Variants in MRPL2 observed in about 807,000 individuals in gnomAD.
MRPL2 encodes the protein mitochondrial ribosomal protein L2.
MRPL2 carries 27 observed loss-of-function variants against 34.6 expected under a neutral mutation model. The ratio of observed to expected loss-of-function variants is 0.78; its 90% confidence interval spans 0.58 to 1.08. The LOEUF is 1.08. MRPL2 is among the 50% of genes least tolerant of loss of function. The pLI, the probability that MRPL2 is intolerant of heterozygous loss-of-function variation, is 0.00. For missense variants in MRPL2, 414 were observed against 419.3 expected, an observed-to-expected ratio of 0.99 and a Z score of 0.11; for synonymous variants, 155 against 158.0, an observed-to-expected ratio of 0.98 and a Z score of 0.14.
intron 6 of MRPL2, among the ~76,000 whole-genome samples, chr6:43,055,244 C>A (rs932787871): frequency 1.3e-5 from 2 of 152,110 alleles, no homozygotes; most frequent in Admixed American, 6.5e-5. Context: ...TGCCTGCAAT[C>A]CCAGCTACTC....
chr6:43,056,216 G>A lies in MRPL2; in HGVS notation c.405-20C>T. ...GCTGACCTAATCAGGGTGAGGGACA[G>A]GTAAGCAGACCGTCTAGGCAGCCCC... On this transcript the variant is annotated intron_variant, in intron 3 of 6. Coordinates refer to ENST00000388752, the MANE Select transcript of MRPL2 (RefSeq NM_015950.5). The A allele has an allele frequency of 6.2e-7, 1 of 1,612,752 alleles. No homozygotes were observed. The highest frequency in any genetic ancestry group is 1.1e-5 in the South Asian group (1 of 91,074).
upstream of MRPL2, chr6:43,059,614 C>T (rs1765028054): frequency 4.3e-6 from 6 of 1,396,016 alleles, no homozygotes; most frequent in East Asian, 2.6e-5. Context: ...AAACAATTGC[C>T]TCGAGCGGCA....
chr6:43,059,024 A>G (rs1044813023), intron 1 of MRPL2: 4 of 1,000,574 alleles, frequency 4.0e-6, no homozygotes, highest in Non-Finnish European at 5.8e-6. Context: ...GGCTTATCAT[A>G]GGCACTCGAA....
chr6:43,059,852 T>G (rs371929554), upstream of MRPL2: 3 of 1,187,522 alleles, frequency 2.5e-6, no homozygotes, highest in South Asian at 2.3e-5. Flanking sequence ...TCCAGACAGA[T>G]AGACAGACGA....
chr6:43,056,003 A>G lies in MRPL2; in HGVS notation c.525T>C (p.Ala175=). ...NSNHIGRMAV[A]AREGDAHPLG... ...GAGGATGCGCATCCCCTTCCCGAGC[A>G]GCAACTAAAAGACAGGATTTCATTA... The change falls in exon 5 of 7, where the codon GCT becomes GCC. Residue 175 remains alanine, a synonymous_variant. Transcript: ENST00000388752. The G allele has an allele frequency of 6.2e-7, 1 of 1,614,186 alleles. No homozygotes were observed. The highest frequency in any genetic ancestry group is 8.5e-7 in the Non-Finnish European group (1 of 1,180,028).
At position 43,054,106 on chromosome 6, in the gene MRPL2, T is replaced by G. The variant is rs1408199143; in HGVS notation, c.*168A>C. 3.1e-6 allele frequency: 2 copies of G among 647,570 alleles called. No individual in the cohort carries two copies. Among genetic ancestry groups the G allele is most frequent in the Non-Finnish European group, 5.2e-6 (2 of 381,578 alleles). 40.1% of individuals were successfully genotyped at this position (647,570 alleles called of 1,614,324 possible). A position where few individuals can be genotyped will look rare whatever the true frequency, so the allele number is the denominator to read the frequency against. On this transcript the variant is annotated 3_prime_UTR_variant, in exon 7 of 7. Transcript: ENST00000388752. Reference sequence around the variant, plus strand: ...TGGGGTGGGGACAGACCCAGTGTCCTGTACTTTCTCTTCCACACTTTTTAC... The same window carrying G: ...TGGGGTGGGGACAGACCCAGTGTCCGGTACTTTCTCTTCCACACTTTTTAC...
At position 43,054,318 on chromosome 6, in the gene MRPL2, TG is replaced by T; in HGVS notation, c.873del (p.Met292Ter). The T allele has an allele frequency of 6.2e-7, 1 of 1,611,682 alleles. No individual in the cohort carries two copies. The highest frequency in any genetic ancestry group is 8.5e-7 in the Non-Finnish European group (1 of 1,179,552). Reference sequence around the variant, plus strand: ...GAAGGCAGCTTCACGTAACTCTTCATGGGGGGTAGTGGCCGAATCTTTCGGC... The same window carrying T: ...GAAGGCAGCTTCACGTAACTCTTCATGGGGGTAGTGGCCGAATCTTTCGGC... ...WAGRKIRPLP[P>X]MKSYVKLPSA... On this transcript the variant is annotated frameshift_variant, in exon 7 of 7. Transcript: ENST00000388752. LOFTEE classifies it high-confidence loss of function.
In MRPL2 at chr6:43,056,017, A is replaced by G. The variant is rs753960112; in HGVS notation, c.521-10T>C. ...CCTTCCCGAGCAGCAACTAAAAGAC[A>G]GGATTTCATTAGCTCTAGAACTTTT... is the stretch of plus-strand genomic sequence containing the variant. On this transcript the variant is annotated splice_polypyrimidine_tract_variant and intron_variant, in intron 4 of 6. Transcript: ENST00000388752. 1.9e-6 allele frequency: 3 copies of G among 1,614,058 alleles called. No individual in the cohort carries two copies. Among genetic ancestry groups the G allele is most frequent in the African/African-American group, 1.3e-5 (1 of 74,920 alleles).
At position 43,056,099 on chromosome 6, in the gene MRPL2, G is replaced by A. The variant is rs374089103; in HGVS notation, c.502C>T (p.His168Tyr). ...CTCTCACCTGCCATTCGGCCTATGTGGTTAGAGTTCAAGATTGTATCTCCA... is the reference window on the plus strand; with the variant it reads ...CTCTCACCTGCCATTCGGCCTATGTAGTTAGAGTTCAAGATTGTATCTCCA... ...QAGDTILNSN[H>Y]IGRMAVAARE... Residue 168 changes from histidine (H) to tyrosine (Y), a missense_variant, in exon 4 of 7, where the codon CAC becomes TAC. By Grantham distance (83) the His-to-Tyr change is moderately conservative (BLOSUM62 2). Coordinates refer to ENST00000388752, the MANE Select transcript of MRPL2 (RefSeq NM_015950.5). 11 of 1,614,080 alleles carry A rather than the reference G, an allele frequency of 6.8e-6. No homozygotes were observed. The Admixed American group carries it at 8.3e-5, about 12-fold the overall frequency.
At chr6:43,059,565 C>T, upstream of MRPL2, 2 of 1,419,610 alleles carry the variant, frequency 1.4e-6, no homozygotes, top group Non-Finnish European at 1.8e-6. Context: ...TCTAATGTCG[C>T]GTGACTAGGA....
In MRPL2 at chr6:43,054,506, G is replaced by A; in HGVS notation, c.706-20C>T. 2 of 1,605,500 alleles carry A rather than the reference G, an allele frequency of 1.2e-6. No homozygotes were observed. The highest frequency in any genetic ancestry group is 8.5e-7 in the Non-Finnish European group (1 of 1,172,804). On this transcript the variant is annotated intron_variant, in intron 6 of 6. Coordinates refer to ENST00000388752, the MANE Select transcript of MRPL2 (RefSeq NM_015950.5). The stretch of plus-strand genomic sequence containing the variant: ...CAGCACCTGACAGAGAAAACAGATG[G>A]AGATTCTGTACAATGGGGGGGAAAG...
At chr6:43,054,988 T>C (rs988593560) in intron 6 of MRPL2, among the ~76,000 whole-genome samples, 16 of 152,128 alleles carry the variant, frequency 1.1e-4, no homozygotes, top group African/African-American at 3.9e-4. Context: ...TGAGGCAGAA[T>C]TGCTTGAACC....
rs1214704 is a variant in MRPL2 at position 43,057,173 on chromosome 6, G to A, written c.266-728C>T. On this transcript the variant is annotated intron_variant, in intron 2 of 6. Coordinates refer to ENST00000388752, the MANE Select transcript of MRPL2 (RefSeq NM_015950.5). ...ATTATAGGCAGGAGCCACCACACCC[G>A]GCCGGTTATAAATATATATACTTTT... 7.2e-3 allele frequency among the ~76,000 whole-genome samples: 1,088 copies of A among 151,868 alleles called. 6 individuals are homozygous for A. The highest frequency in any genetic ancestry group is 0.01 in the Middle Eastern group (3 of 292).
chr6:43,054,580 G>T, intron 6 of MRPL2, 94 bp from the exon 7 acceptor site: 1 of 1,030,558 alleles, frequency 9.7e-7, no homozygotes, highest in Non-Finnish European at 1.4e-6. Context: ...TTAGACTCAA[G>T]GAGAGAAGGG....
chr6:43,059,684 A>C (rs1765032294), upstream of MRPL2: 3 of 1,335,996 alleles, frequency 2.2e-6, no homozygotes, highest in African/African-American at 3.0e-5. Flanking sequence ...GGCAGATTGC[A>C]GGTGAGTCTT....
At position 43,058,209 on chromosome 6, in the gene MRPL2, G is replaced by A. The variant is rs776670572; in HGVS notation, c.121C>T (p.Gln41Ter). 3.7e-6 allele frequency: 6 copies of A among 1,614,094 alleles called. No homozygotes were observed. Among genetic ancestry groups the A allele is most frequent in the Admixed American group, 1.7e-5 (1 of 59,996 alleles). Reference sequence around the variant, plus strand: ...GGGAGCAACATCAAGGCAGAGGGCTGTTGGAGGAGGCCATTGTTCATCATC... The same window carrying A: ...GGGAGCAACATCAAGGCAGAGGGCTATTGGAGGAGGCCATTGTTCATCATC... ...AQMMNNGLLQ[Q>*]PSALMLLPCR... is the part of the protein sequence containing the mutation. Residue 41 changes from glutamine (Q) to a stop codon, truncating the protein, a stop_gained, in exon 2 of 7, where the codon CAG (glutamine) becomes TAG (stop). Coordinates refer to ENST00000388752, the MANE Select transcript of MRPL2 (RefSeq NM_015950.5). LOFTEE classifies it high-confidence loss of function.
In MRPL2 at chr6:43,056,147, T is replaced by A. The variant is rs2150344979; in HGVS notation, c.454A>T (p.Ile152Phe). ...CCAGCCTGCATGTTTTCTGTGGCGA[T>A]GATCCAGCGTTTCCGGCTGCCCCCA... ...VAGGSRKRWI[I>F]ATENMQAGDT... is the part of the protein sequence containing the mutation. Residue 152 changes from isoleucine (I) to phenylalanine (F), a missense_variant, in exon 4 of 7, where the codon ATC (isoleucine) becomes TTC (phenylalanine). By Grantham distance (21) the Ile-to-Phe change is conservative. Transcript: ENST00000388752. 1 of 1,614,240 alleles carries A rather than the reference T, an allele frequency of 6.2e-7. No homozygotes were observed. The highest frequency in any genetic ancestry group is 8.5e-7 in the Non-Finnish European group (1 of 1,180,050).
chr6:43,056,213 A>G lies in MRPL2; in HGVS notation c.405-17T>C. The G allele has an allele frequency of 6.2e-7, 1 of 1,612,800 alleles. No homozygotes were observed. The highest frequency in any genetic ancestry group is 8.5e-7 in the Non-Finnish European group (1 of 1,178,800). On this transcript the variant is annotated splice_polypyrimidine_tract_variant and intron_variant, in intron 3 of 6. Coordinates refer to ENST00000388752, the MANE Select transcript of MRPL2 (RefSeq NM_015950.5). ...TCTGCTGACCTAATCAGGGTGAGGGACAGGTAAGCAGACCGTCTAGGCAGC... is the reference window on the plus strand; with the variant it reads ...TCTGCTGACCTAATCAGGGTGAGGGGCAGGTAAGCAGACCGTCTAGGCAGC...
At chr6:43,058,767 C>T (rs754950384) in intron 1 of MRPL2, among the ~76,000 whole-genome samples, 1 of 152,198 alleles carries the variant, frequency 6.6e-6, no homozygotes, top group African/African-American at 2.4e-5. Context: ...CTCAGGATAC[C>T]TTCCCCTGAG....
Sources: allele counts gnomAD v4.1 joint callset (sites outside exome capture counted in the v4.1 genomes callset), GRCh38; gene constraint gnomAD v4.1.1; transcripts MANE v1.5; gene names NCBI Gene and HGNC (gene_info 2026-07-23, HGNC 2026-07-21).